The following PACSIN1 variants were observed in gnomAD, a reference collection of about 807,000 sequenced individuals.
PACSIN1 encodes protein kinase C and casein kinase substrate in neurons 1.
A neutral mutation model predicts 59.5 loss-of-function variants in PACSIN1; 15 were observed. That is an observed-to-expected ratio of 0.25 (90% confidence interval 0.17 to 0.39). PACSIN1 has a LOEUF of 0.39. Among genes scored for constraint, PACSIN1 ranks in the 10% least tolerant of loss-of-function variants. The pLI, the probability that PACSIN1 is intolerant of heterozygous loss-of-function variation, is 1.00. For synonymous variants in PACSIN1, 210 were observed against 220.6 expected, an observed-to-expected ratio of 0.95 and a Z score of 0.42; for missense variants, 420 against 580.2, an observed-to-expected ratio of 0.72 and a Z score of 2.84.
intron 1 of PACSIN1, among the ~76,000 whole-genome samples, chr6:34,485,525 T>A (rs1392628742): frequency 2.0e-5 from 3 of 152,148 alleles, no homozygotes; most frequent in African/African-American, 7.2e-5. Context: ...TGGTGTTGTG[T>A]CCTGAGATGG....
chr6:34,484,028 G>T (rs1012707462), intron 1 of PACSIN1, among the ~76,000 whole-genome samples: 2 of 152,140 alleles, frequency 1.3e-5, no homozygotes, highest in African/African-American at 4.8e-5. Flanking sequence ...CACCCAGGAG[G>T]TGGGAGGTGG....
chr6:34,505,022 G>A (rs936984771), intron 1 of PACSIN1, among the ~76,000 whole-genome samples: 18 of 151,546 alleles, frequency 1.2e-4, no homozygotes, highest in Non-Finnish European at 2.1e-4. Context: ...TTTTAGGAAT[G>A]AGGTCTCTGT....
chr6:34,503,325 C>T (rs1481405183), intron 1 of PACSIN1, among the ~76,000 whole-genome samples: 5 of 151,794 alleles, frequency 3.3e-5, no homozygotes, highest in African/African-American at 1.2e-4. Flanking sequence ...TTCCCAGGAG[C>T]TATGTGACTT....
intron 3 of PACSIN1, 129 bp from the exon 4 acceptor site, chr6:34,528,513 C>A (rs942265454): frequency 1.4e-6 from 1 of 719,546 alleles, no homozygotes; most frequent in Non-Finnish European, 2.4e-6. Context: ...GAGGATGGGG[C>A]CACGTAGAGC....
intron 1 of PACSIN1, among the ~76,000 whole-genome samples, chr6:34,503,360 T>C (rs1177478947): frequency 6.6e-6 from 1 of 152,092 alleles, no homozygotes; most frequent in Non-Finnish European, 1.5e-5. Context: ...GCATCTTTCA[T>C]ACTCCAATGC....
rs1184651314 is a variant in PACSIN1, at chr6:34,521,786, G to A, written c.-63-4457G>A. Among the ~76,000 whole-genome samples, 1 of 152,136 alleles carries A rather than the reference G, an allele frequency of 6.6e-6. No individual in the cohort carries two copies. The highest frequency in any genetic ancestry group is 1.5e-5 in the Non-Finnish European group (1 of 68,030). On this transcript the variant is annotated intron_variant, in intron 1 of 9. Coordinates refer to ENST00000244458, the MANE Select transcript of PACSIN1 (RefSeq NM_020804.5). This position sits in a 1 kb window ranked among gnomAD's most constrained non-coding sequence, Gnocchi z 4.3. ...CGCCGTGTGTCAGGCGCGGTCCAGTGGCCCGAGGTCTAGTGCTCCGTTTAA... is the reference window on the plus strand; with the variant it reads ...CGCCGTGTGTCAGGCGCGGTCCAGTAGCCCGAGGTCTAGTGCTCCGTTTAA...
At chr6:34,527,293 G>A in intron 2 of PACSIN1, 39 bp from the exon 3 acceptor site, 1 of 1,470,376 alleles carries the variant, frequency 6.8e-7, no homozygotes, top group East Asian at 2.7e-5. Flanking sequence ...TGGGGACGCT[G>A]GGAACCCGCG....
At chr6:34,527,799 T>C (rs753795899) in intron 3 of PACSIN1, 2 of 230,136 alleles carry the variant, frequency 8.7e-6, no homozygotes, top group Non-Finnish European at 1.7e-5. Context: ...CCACGTTTTC[T>C]CACTGACTGT....
chr6:34,466,937 A>G (rs1386935247), intron 1 of PACSIN1, among the ~76,000 whole-genome samples: 1 of 152,158 alleles, frequency 6.6e-6, no homozygotes, highest in Admixed American at 6.5e-5. Context: ...TGAAAAGGTT[A>G]AAGGGTCATC....
rs781421037 is a variant in PACSIN1 at position 34,531,802 on chromosome 6, C to T, written c.1225+15C>T. 1.9e-6 allele frequency: 3 copies of T among 1,543,518 alleles called. No homozygotes were observed. The highest frequency in any genetic ancestry group is 2.6e-6 in the Non-Finnish European group (3 of 1,143,750). ...CTTTAAGGCCGGTAGGACGGCTGGG[C>T]GGGGCAGTGCCTGAGAGAGGCTTGG... is the stretch of plus-strand genomic sequence containing the variant. On this transcript the variant is annotated intron_variant, in intron 9 of 9. Transcript: ENST00000244458. The surrounding 1 kb of genome is among the most constrained non-coding windows in gnomAD (Gnocchi z 4.4).
At chr6:34,498,128 C>T (rs1414572053) in intron 1 of PACSIN1, among the ~76,000 whole-genome samples, 1 of 152,164 alleles carries the variant, frequency 6.6e-6, no homozygotes, top group Non-Finnish European at 1.5e-5. Context: ...GTGGCACGAT[C>T]TCGGCTCATT....
intron 1 of PACSIN1, among the ~76,000 whole-genome samples, chr6:34,510,063 T>C (rs760695907): frequency 2.6e-5 from 4 of 152,280 alleles, no homozygotes; most frequent in Non-Finnish European, 4.4e-5. Context: ...ACCTCAACTA[T>C]ATGCAGTAAA....
intron 1 of PACSIN1, among the ~76,000 whole-genome samples, chr6:34,517,141 G>A (rs1314847880): frequency 6.6e-6 from 1 of 152,188 alleles, no homozygotes; most frequent in Non-Finnish European, 1.5e-5. Context: ...CAGCTGCTCT[G>A]GCAGGAGCCA....
chr6:34,527,219 C>T lies in PACSIN1; in HGVS notation c.64-113C>T, dbSNP rs941268825. 4.2e-5 allele frequency: 47 copies of T among 1,110,510 alleles called. No individual in the cohort carries two copies. The African/African-American group carries it at 6.4e-4, about 15-fold the overall frequency. 68.8% of individuals were successfully genotyped at this position (1,110,510 alleles called of 1,614,324 possible). A position where few individuals can be genotyped will look rare whatever the true frequency, so the allele number is the denominator to read the frequency against. ...GGGGGCGGGGGCGGGGACGGCGAGGCCGTAAGCGGGGAGGCGGGGCGGAAG... is the reference window on the plus strand; with the variant it reads ...GGGGGCGGGGGCGGGGACGGCGAGGTCGTAAGCGGGGAGGCGGGGCGGAAG... On this transcript the variant is annotated intron_variant, in intron 2 of 9. Coordinates refer to ENST00000244458, the MANE Select transcript of PACSIN1 (RefSeq NM_020804.5).
rs775246838 is a variant in PACSIN1 at position 34,531,812 on chromosome 6, C to T, written c.1225+25C>T. On this transcript the variant is annotated intron_variant, in intron 9 of 9. Transcript: ENST00000244458. The surrounding 1 kb of genome is among the most constrained non-coding windows in gnomAD (Gnocchi z 4.4). ...GGTAGGACGGCTGGGCGGGGCAGTG[C>T]CTGAGAGAGGCTTGGGCCTGGATTG... The T allele has an allele frequency of 5.9e-6, 9 of 1,534,968 alleles. No homozygotes were observed. In the East Asian group the frequency reaches 1.2e-4, roughly 20 times the overall value.
In PACSIN1 at chr6:34,481,648, C is replaced by T. The variant is rs575571322; in HGVS notation, c.-64+15378C>T. On this transcript the variant is annotated intron_variant, in intron 1 of 9. Transcript: ENST00000244458. ...TCGTGCCACTGCACTCCAGCCTGGG[C>T]GACAGAGCAAGACTCCATCTAAAAA... Among the ~76,000 whole-genome samples, 755 of 149,618 alleles carry T rather than the reference C, an allele frequency of 5.0e-3. 6 individuals carry two copies. Among genetic ancestry groups the T allele is most frequent in the Middle Eastern group, 0.024 (7 of 292 alleles).
chr6:34,479,433 T>G (rs578069483), intron 1 of PACSIN1, among the ~76,000 whole-genome samples: 8 of 152,226 alleles, frequency 5.3e-5, no homozygotes, highest in African/African-American at 1.4e-4. Context: ...TTTTTGAATT[T>G]TCTGATTTTT....
chr6:34,492,257 A>G (rs1180304110), intron 1 of PACSIN1, among the ~76,000 whole-genome samples: 2 of 132,304 alleles, frequency 1.5e-5, no homozygotes, highest in Admixed American at 9.0e-5. Flanking sequence ...GCTGGAGTGC[A>G]GTGACACAAT....
intron 1 of PACSIN1, among the ~76,000 whole-genome samples, chr6:34,476,628 G>A (rs932779529): frequency 3.2e-4 from 48 of 152,292 alleles, no homozygotes; most frequent in African/African-American, 9.9e-4. Context: ...TGCCTCTGCC[G>A]CCTTGCCAGC....
Sources: gnomAD v4.1 joint callset for allele counts (sites outside exome capture counted in the v4.1 genomes callset) on GRCh38, gnomAD v4.1.1 for gene constraint, Gnocchi (gnomAD v3.1) non-coding constraint, MANE v1.5 for transcripts, NCBI Gene and HGNC (gene_info 2026-07-23, HGNC 2026-07-21) for gene names.